The following HTR4 variants were observed in gnomAD, a reference collection of about 807,000 sequenced individuals.
HTR4 encodes 5-hydroxytryptamine (serotonin) receptor 4, G protein-coupled.
Under a neutral mutation model 36.8 loss-of-function variants are expected in HTR4, and 16 were observed. The ratio of observed to expected loss-of-function variants is 0.43; its 90% CI spans 0.29 to 0.66. The LOEUF is 0.66. HTR4 is among the 30% of genes least tolerant of loss of function. The pLI, the probability that HTR4 is intolerant of heterozygous loss-of-function variation, is 0.13. For synonymous variants in HTR4, 189 were observed against 185.1 expected, an observed-to-expected ratio of 1.02 and a Z score of -0.17; for missense variants, 438 against 490.9, an observed-to-expected ratio of 0.89 and a Z score of 1.02.
chr5:148,461,796 C>A (rs142513272), intron 5 of HTR4: 2 of 151,996 alleles, frequency 1.3e-5, no homozygotes, highest in African/African-American at 2.4e-5. Context: ...CTTTACCTAA[C>A]GATGCCAGGA....
intron 5 of HTR4, among the ~76,000 whole-genome samples, chr5:148,462,297 A>G (rs182674939): frequency 4.6e-5 from 7 of 152,136 alleles, no homozygotes; most frequent in Non-Finnish European, 7.4e-5. Context: ...AGAGAGAGAA[A>G]GAACAAAAAT....
intron 2 of HTR4, among the ~76,000 whole-genome samples, chr5:148,589,258 C>A (rs1270550089): frequency 6.6e-6 from 1 of 152,106 alleles, no homozygotes; most frequent in African/African-American, 2.4e-5. Flanking sequence ...AATAGTTATA[C>A]CAAAATTCTG....
chr5:148,524,604 A>C (rs1179156438), intron 4 of HTR4, among the ~76,000 whole-genome samples: 1 of 152,186 alleles, frequency 6.6e-6, no homozygotes, highest in African/African-American at 2.4e-5. Context: ...ATGCCCAGGC[A>C]TGGCATGGAA....
intron 4 of HTR4, among the ~76,000 whole-genome samples, chr5:148,530,727 C>A (rs192950601): frequency 2.0e-5 from 3 of 152,322 alleles, no homozygotes; most frequent in African/African-American, 7.2e-5. Flanking sequence ...GATCCACCAA[C>A]AGCTTGCACT....
intron 6 of HTR4, among the ~76,000 whole-genome samples, chr5:148,501,718 T>C (rs1361302985): frequency 6.6e-6 from 1 of 152,156 alleles, no homozygotes; most frequent in Non-Finnish European, 1.5e-5. Context: ...CTTACTCTTA[T>C]AAGATTCTCC....
chr5:148,465,883 A>G lies in HTR4; in HGVS notation c.1077-14611T>C, dbSNP rs553129975. On this transcript the variant is annotated intron_variant, in intron 5 of 5. Transcript: ENST00000521530. Reference sequence around the variant, plus strand: ...TTCAGAGTTAGACAGGAACTGGTCTATTGCAGAAGAGCAGGAGGAAGCTGG... The same window carrying G: ...TTCAGAGTTAGACAGGAACTGGTCTGTTGCAGAAGAGCAGGAGGAAGCTGG... 1.1e-5 allele frequency: 17 copies of G among 1,613,622 alleles called. 1 individual carries two copies. In the Admixed American group the frequency reaches 2.8e-4, roughly 27 times the overall value.
chr5:148,562,072 G>T (rs1760237395), intron 2 of HTR4, among the ~76,000 whole-genome samples: 2 of 152,210 alleles, frequency 1.3e-5, no homozygotes, highest in South Asian at 4.1e-4. Flanking sequence ...TTATGCTGTT[G>T]CAGGAGTAGT....
chr5:148,461,635 T>C (rs1017578053), intron 5 of HTR4, among the ~76,000 whole-genome samples: 2 of 151,876 alleles, frequency 1.3e-5, no homozygotes, highest in Admixed American at 6.6e-5. Context: ...AACTAAGAAG[T>C]GCAAGGAGAA....
chr5:148,612,892 C>A (rs1248299083), intron 2 of HTR4, among the ~76,000 whole-genome samples: 1 of 149,592 alleles, frequency 6.7e-6, no homozygotes, highest in African/African-American at 2.5e-5. Flanking sequence ...TCAGAGAATA[C>A]TACAAACACC....
chr5:148,504,747 C>G (rs1757108859), intron 6 of HTR4, among the ~76,000 whole-genome samples: 1 of 151,926 alleles, frequency 6.6e-6, no homozygotes, highest in Admixed American at 6.6e-5. Flanking sequence ...AGACCGCTAG[C>G]AAGACTAATA....
chr5:148,506,622 C>T (rs1479535307), intron 6 of HTR4, among the ~76,000 whole-genome samples: 1 of 152,108 alleles, frequency 6.6e-6, no homozygotes, highest in East Asian at 1.9e-4. Flanking sequence ...GCAATCTACC[C>T]ATCTGACAAA....
rs1172342201 is a variant in HTR4 at position 148,654,375 on chromosome 5, C to A, written c.-361G>T. ...AGCCCCGGTGGTCCCCGCTGCCCTG[C>A]CCGCTGCCGCCCCCACTGGGCGCCA... On this transcript the variant is annotated 5_prime_UTR_variant, in exon 1 of 7. Coordinates refer to ENST00000377888, the MANE Select transcript of HTR4 (RefSeq NM_000870.7). The A allele has an allele frequency of 6.1e-6, 6 of 985,410 alleles. No individual in the cohort carries two copies. The highest frequency in any genetic ancestry group is 7.2e-6 in the Non-Finnish European group (6 of 829,912). The allele number at this position is 985,410 out of a possible 1,614,324, so 61.0% of individuals were successfully genotyped here.
At chr5:148,461,659 C>T (rs1755280822) in intron 5 of HTR4, among the ~76,000 whole-genome samples, 1 of 151,918 alleles carries the variant, frequency 6.6e-6, no homozygotes, top group Non-Finnish European at 1.5e-5. Flanking sequence ...GATAAATTCA[C>T]GATTATAGCT....
chr5:148,513,862 T>C (rs1210903002), intron 5 of HTR4, among the ~76,000 whole-genome samples: 1 of 152,218 alleles, frequency 6.6e-6, no homozygotes, highest in Non-Finnish European at 1.5e-5. Flanking sequence ...AAGTATTTTA[T>C]GCTTTTACTC....
At chr5:148,616,933 T>C (rs898226419) in intron 2 of HTR4, among the ~76,000 whole-genome samples, 1 of 152,224 alleles carries the variant, frequency 6.6e-6, no homozygotes, top group African/African-American at 2.4e-5. Context: ...ATTAGATAAC[T>C]CTACTAATCT....
At chr5:148,647,087 T>C (rs955943416) in intron 1 of HTR4, among the ~76,000 whole-genome samples, 2 of 152,334 alleles carry the variant, frequency 1.3e-5, no homozygotes, top group South Asian at 2.1e-4. Context: ...CTCCTCCCTT[T>C]GCCCCAGGTT....
chr5:148,516,930 ACTTTTACACAGAC>A (rs1743325333), intron 5 of HTR4, among the ~76,000 whole-genome samples: 1 of 152,150 alleles, frequency 6.6e-6, no homozygotes, highest in Non-Finnish European at 1.5e-5. Context: ...AACCACAATT[ACTTTTACACAGAC>A]CTTATATGAC....
intron 2 of HTR4, among the ~76,000 whole-genome samples, chr5:148,589,342 G>A (rs1379075736): frequency 2.6e-5 from 4 of 152,180 alleles, no homozygotes; most frequent in Non-Finnish European, 5.9e-5. Context: ...CCTTGAATAA[G>A]AGTTTCTGTT....
rs1256359015 is a variant in HTR4, at chr5:148,521,086, G to C, written c.507+2107C>G. The C allele has an allele frequency of 4.0e-6, 5 of 1,245,374 alleles. No individual in the cohort carries two copies. In the Admixed American group the frequency reaches 9.3e-5, roughly 23 times the overall value. 77.1% of individuals were successfully genotyped at this position (1,245,374 alleles called of 1,614,324 possible). On this transcript the variant is annotated intron_variant, in intron 5 of 6. Coordinates refer to ENST00000377888, the MANE Select transcript of HTR4 (RefSeq NM_000870.7). ...CTCTCCACTCCACTTCCCACATCTC[G>C]ATGTATCCGGGGACCACTTCTACAG...
Sources: allele counts gnomAD v4.1 joint callset (sites outside exome capture counted in the v4.1 genomes callset), GRCh38; gene constraint gnomAD v4.1.1; transcripts MANE v1.5; gene names NCBI Gene and HGNC (gene_info 2026-07-23, HGNC 2026-07-21).